PPP2R5E: variants seen among roughly 807,000 people sequenced by gnomAD.
The protein encoded by PPP2R5E is protein phosphatase 2 regulatory subunit B'epsilon.
A neutral mutation model predicts 65.3 loss-of-function variants in PPP2R5E; 4 were observed. That is an observed-to-expected ratio of 0.06 (90% confidence interval 0.03 to 0.14). The LOEUF (loss-of-function observed/expected upper bound fraction) is 0.14. Among genes scored for constraint, PPP2R5E ranks in the 10% least tolerant of loss-of-function variants. PPP2R5E has a pLI of 1.00. For missense variants in PPP2R5E, 274 were observed against 556.1 expected (o/e 0.49, Z 5.10); for synonymous variants, 183 against 187.4 (o/e 0.98, Z 0.19).
At chr14:63,530,781 A>AT (rs916539350) in intron 2 of PPP2R5E, among the ~76,000 whole-genome samples, 4 of 150,690 alleles carry the variant, frequency 2.7e-5, no homozygotes, top group Admixed American at 6.6e-5. Flanking sequence ...CGCCTGACTA[A>AT]TTTTTTTGTA....
At chr14:63,470,978 C>T (rs1890100404) in intron 2 of PPP2R5E, among the ~76,000 whole-genome samples, 1 of 152,138 alleles carries the variant, frequency 6.6e-6, no homozygotes, top group South Asian at 2.1e-4. Context: ...TTTTTTACCC[C>T]ACCCTGAAGT....
At chr14:63,517,672 A>T (rs1481540375) in intron 2 of PPP2R5E, among the ~76,000 whole-genome samples, 2 of 152,260 alleles carry the variant, frequency 1.3e-5, no homozygotes, top group Non-Finnish European at 2.9e-5. Flanking sequence ...AATTTAAATT[A>T]TAATAGCTCA....
At chr14:63,534,493 A>T (rs1489949959) in intron 2 of PPP2R5E, among the ~76,000 whole-genome samples, 1 of 151,920 alleles carries the variant, frequency 6.6e-6, no homozygotes, top group Non-Finnish European at 1.5e-5. Context: ...CAAACTCTTG[A>T]CCTCAAATGA....
At chr14:63,541,494 A>G (rs1029632595) in intron 1 of PPP2R5E, among the ~76,000 whole-genome samples, 8 of 152,240 alleles carry the variant, frequency 5.3e-5, no homozygotes, top group Non-Finnish European at 8.8e-5. Context: ...ACAAGCGTTA[A>G]GCTTAATTTC....
At chr14:63,467,247 A>AAAAAAC (rs1889878241) in intron 2 of PPP2R5E, among the ~76,000 whole-genome samples, 2 of 150,518 alleles carry the variant, frequency 1.3e-5, no homozygotes, top group African/African-American at 2.5e-5. Context: ...AACAAACAAA[A>AAAAAAC]AAAACACTAT....
At chr14:63,532,618 C>T (rs1264480638) in intron 2 of PPP2R5E, among the ~76,000 whole-genome samples, 1 of 152,134 alleles carries the variant, frequency 6.6e-6, no homozygotes, top group Admixed American at 6.6e-5. Context: ...ATAACAACAG[C>T]TAGTATTTAC....
intron 2 of PPP2R5E, among the ~76,000 whole-genome samples, chr14:63,523,481 G>T (rs908294377): frequency 6.6e-6 from 1 of 152,064 alleles, no homozygotes; most frequent in East Asian, 1.9e-4. Flanking sequence ...GGTGCAAGAT[G>T]TGCTTTGTTA....
intron 11 of PPP2R5E, among the ~76,000 whole-genome samples, chr14:63,387,340 T>C (rs537341177): frequency 6.6e-6 from 1 of 152,284 alleles, no homozygotes; most frequent in Non-Finnish European, 1.5e-5. Flanking sequence ...TCCAGCCCCT[T>C]AAAGAGGAAA....
intron 13 of PPP2R5E, among the ~76,000 whole-genome samples, chr14:63,381,105 G>T (rs1358533306): frequency 6.6e-6 from 1 of 152,156 alleles, no homozygotes; most frequent in East Asian, 1.9e-4. Context: ...GAGCTCTCTA[G>T]ACTTCTATAA....
chr14:63,514,507 AAAAG>A (rs1273683239), intron 2 of PPP2R5E, among the ~76,000 whole-genome samples: 2 of 152,098 alleles, frequency 1.3e-5, no homozygotes, highest in African/African-American at 2.4e-5. Context: ...CATTAAAAAA[AAAAG>A]AGAGAGAGAG....
rs1338120246 is a variant in PPP2R5E, at chr14:63,443,199, A to G, written c.354+10490T>C. 2.0e-5 allele frequency among the ~76,000 whole-genome samples: 3 copies of G among 152,346 alleles called. No homozygotes were observed. The East Asian group carries it at 5.8e-4, about 29-fold the overall frequency. On this transcript the variant is annotated intron_variant, in intron 3 of 13. Transcript: ENST00000337537. The stretch of plus-strand genomic sequence containing the variant: ...CAAAGCTAATAGTGGCCAAGAAACA[A>G]CGTAACGAACTCAAAGAAAGACCTC...
intron 3 of PPP2R5E, among the ~76,000 whole-genome samples, chr14:63,430,330 A>G (rs891898733): frequency 1.4e-5 from 2 of 141,418 alleles, no homozygotes; most frequent in Non-Finnish European, 3.0e-5. Context: ...AGTGGCCACA[A>G]TGGAGAAAAC....
At chr14:63,409,133 C>A (rs767401545) in intron 5 of PPP2R5E, among the ~76,000 whole-genome samples, 4 of 152,008 alleles carry the variant, frequency 2.6e-5, no homozygotes, top group Non-Finnish European at 4.4e-5. Flanking sequence ...CTCAGGAGGC[C>A]GAGGCAGGAG....
At chr14:63,392,389 T>C (rs1014653566) in intron 8 of PPP2R5E, among the ~76,000 whole-genome samples, 6 of 152,202 alleles carry the variant, frequency 3.9e-5, no homozygotes, top group African/African-American at 1.4e-4. Context: ...ATATCAACAG[T>C]ACTGAGTTTT....
intron 8 of PPP2R5E, among the ~76,000 whole-genome samples, chr14:63,392,774 A>G (rs1281186263): frequency 6.6e-6 from 1 of 152,250 alleles, no homozygotes; most frequent in Non-Finnish European, 1.5e-5. Context: ...AAAGAGGAAC[A>G]GTGCTTAGAA....
intron 3 of PPP2R5E, 193 bp downstream of exon 3, chr14:63,453,496 G>C (rs1259128069): frequency 8.8e-6 from 4 of 453,692 alleles, no homozygotes; most frequent in Non-Finnish European, 1.5e-5. Flanking sequence ...CGTAGTTAAA[G>C]TTCTGGATTT....
At chr14:63,499,575 T>A (rs1335799579) in intron 2 of PPP2R5E, among the ~76,000 whole-genome samples, 4 of 152,040 alleles carry the variant, frequency 2.6e-5, no homozygotes, top group Non-Finnish European at 5.9e-5. Context: ...AATGCAAAAA[T>A]TAGCCAGGCG....
At chr14:63,460,574 T>G (rs1467611099) in intron 2 of PPP2R5E, among the ~76,000 whole-genome samples, 1 of 152,222 alleles carries the variant, frequency 6.6e-6, no homozygotes, top group African/African-American at 2.4e-5. Flanking sequence ...CTTACAACAG[T>G]ATAAAATCAG....
chr14:63,494,029 T>C (rs1891418670), intron 2 of PPP2R5E, among the ~76,000 whole-genome samples: 1 of 152,140 alleles, frequency 6.6e-6, no homozygotes, highest in African/African-American at 2.4e-5. Flanking sequence ...ACCAAGGCTT[T>C]TATTTTTTAC....
Sources: gnomAD v4.1 joint callset for allele counts (sites outside exome capture counted in the v4.1 genomes callset) on GRCh38, gnomAD v4.1.1 for gene constraint, MANE v1.5 for transcripts, NCBI Gene and HGNC (gene_info 2026-07-23, HGNC 2026-07-21) for gene names.